The following CCNY variants were observed in gnomAD, a reference collection of about 807,000 sequenced individuals.
The protein encoded by CCNY is cyclin-Y.
CCNY carries 19 observed loss-of-function variants against 42.8 expected under a neutral mutation model. That is an observed-to-expected ratio of 0.44 (90% CI 0.31 to 0.65). The LOEUF (loss-of-function observed/expected upper bound fraction) is 0.65. CCNY is among the 30% of genes least tolerant of loss of function. The probability of loss-of-function intolerance (pLI) is 0.07; values close to 1 mark genes in which losing one functional copy is unlikely to be tolerated. For synonymous variants in CCNY, 165 were observed against 162.7 expected, an observed-to-expected ratio of 1.01 and a Z score of -0.11; for missense variants, 370 against 437.3, an observed-to-expected ratio of 0.85 and a Z score of 1.37.
At chr10:35,482,802 T>TGTGTG (rs879381242) in intron 1 of CCNY, among the ~76,000 whole-genome samples, 7 of 102,654 alleles carry the variant, frequency 6.8e-5, no homozygotes, top group Admixed American at 2.0e-4. Context: ...GTGTGTGTGT[T>TGTGTG]ATGTGTTTGA....
chr10:35,535,035 G>A (rs866497131), intron 7 of CCNY, among the ~76,000 whole-genome samples: 13 of 137,214 alleles, frequency 9.5e-5, no homozygotes, highest in Admixed American at 8.0e-4. Context: ...GTGTGTGTAT[G>A]TATATATAGA....
At chr10:35,281,601 C>T (rs2135053947) in intron 3 of CCNY, among the ~76,000 whole-genome samples, 1 of 152,198 alleles carries the variant, frequency 6.6e-6, no homozygotes, top group East Asian at 1.9e-4. Context: ...CTGCGTCTGG[C>T]CTTGTACAGG....
chr10:35,337,986 CAT>C (rs1367228347), intron 1 of CCNY, among the ~76,000 whole-genome samples: 1 of 152,188 alleles, frequency 6.6e-6, no homozygotes, highest in Non-Finnish European at 1.5e-5. Context: ...GGTTTGGCAA[CAT>C]ATTTATTAGC....
chr10:35,442,496 T>C (rs923540147), intron 1 of CCNY, among the ~76,000 whole-genome samples: 18 of 152,156 alleles, frequency 1.2e-4, no homozygotes, highest in Admixed American at 6.5e-5. Context: ...GTTGGGAGTT[T>C]AGGGTGGTCT....
chr10:35,293,039 C>A (rs1256144307), intron 3 of CCNY, among the ~76,000 whole-genome samples: 2 of 151,718 alleles, frequency 1.3e-5, no homozygotes, highest in Non-Finnish European at 2.9e-5. Flanking sequence ...CTTGGCCTCC[C>A]AAAGTGCTGA....
At position 35,568,257 on chromosome 10, in the gene CCNY, T is replaced by C. The variant is rs143382619; in HGVS notation, c.910-797T>C. On this transcript the variant is annotated intron_variant, in intron 9 of 9. Transcript: ENST00000374704. The stretch of plus-strand genomic sequence containing the variant: ...TGCCGAGAAGGGAGAGCTCACCTGC[T>C]TCTGGGGCTGCTGTGTCACGGGCCC... Among the ~76,000 whole-genome samples, 511 of 152,300 alleles carry C rather than the reference T, an allele frequency of 3.4e-3. 4 individuals carry two copies. Among genetic ancestry groups the C allele is most frequent in the African/African-American group, 0.012 (481 of 41,560 alleles).
chr10:35,455,741 T>C (rs1360818497), intron 1 of CCNY, among the ~76,000 whole-genome samples: 1 of 151,874 alleles, frequency 6.6e-6, no homozygotes, highest in African/African-American at 2.4e-5. Flanking sequence ...TATTGAACAT[T>C]ATTTATGTGG....
intron 1 of CCNY, among the ~76,000 whole-genome samples, chr10:35,402,516 TAG>T (rs1438960336): frequency 6.6e-6 from 1 of 152,208 alleles, no homozygotes; most frequent in African/African-American, 2.4e-5. Context: ...TTTAAAAATA[TAG>T]AGAGTCCTCT....
In CCNY at chr10:35,304,546, G is replaced by A. The variant is rs570073785; in HGVS notation, c.-9+53920G>A. Among the ~76,000 whole-genome samples, 4 of 53,578 alleles carry A rather than the reference G, an allele frequency of 7.5e-5. 2 individuals carry two copies. In the South Asian group the frequency reaches 2.6e-3, roughly 35 times the overall value. The allele number at this position is 53,578 out of a possible 152,430, so 35.1% of individuals were successfully genotyped here. ...GGGATGGTCTCGATCTCTTGACCTCGTGATCCGCCCGCCTCGGCCTCCCAA... is the reference window on the plus strand; with the variant it reads ...GGGATGGTCTCGATCTCTTGACCTCATGATCCGCCCGCCTCGGCCTCCCAA... On this transcript the variant is annotated intron_variant, in intron 3 of 11. Transcript: ENST00000374706.
chr10:35,364,379 G>T (rs1564383432), intron 1 of CCNY, among the ~76,000 whole-genome samples: 1 of 152,150 alleles, frequency 6.6e-6, no homozygotes, highest in Admixed American at 6.5e-5. Context: ...ATAACAGAAA[G>T]TTAACTGAAT....
intron 8 of CCNY, among the ~76,000 whole-genome samples, chr10:35,554,324 G>C (rs189891167): frequency 3.3e-5 from 5 of 152,308 alleles, no homozygotes; most frequent in Non-Finnish European, 5.9e-5. Flanking sequence ...ATTTGTTGCA[G>C]AGCCTATTCC....
intron 7 of CCNY, among the ~76,000 whole-genome samples, chr10:35,544,054 T>A (rs1841060861): frequency 6.6e-6 from 1 of 152,238 alleles, no homozygotes; most frequent in Non-Finnish European, 1.5e-5. Flanking sequence ...GTTTAAAAAA[T>A]TTTTAAAGTT....
At chr10:35,346,974 G>GT (rs1836319386) in intron 1 of CCNY, among the ~76,000 whole-genome samples, 2 of 152,142 alleles carry the variant, frequency 1.3e-5, no homozygotes, top group African/African-American at 4.8e-5. Flanking sequence ...GTTTTGTTTT[G>GT]TTTTTTAGTA....
chr10:35,434,408 C>T (rs1299885365), intron 1 of CCNY, among the ~76,000 whole-genome samples: 2 of 152,224 alleles, frequency 1.3e-5, no homozygotes, highest in East Asian at 3.8e-4. Flanking sequence ...TCCTCAGGGA[C>T]AGAGCCTGGC....
At chr10:35,388,019 G>A (rs1417864208) in intron 1 of CCNY, among the ~76,000 whole-genome samples, 5 of 152,200 alleles carry the variant, frequency 3.3e-5, no homozygotes, top group Non-Finnish European at 5.9e-5. Context: ...TGTCCAGGAG[G>A]AAGCAGCCCC....
At chr10:35,424,059 T>C (rs532644635) in intron 1 of CCNY, among the ~76,000 whole-genome samples, 35 of 152,214 alleles carry the variant, frequency 2.3e-4, no homozygotes, top group African/African-American at 8.2e-4. Context: ...CTCTGGGGAC[T>C]TGACTAAGTT....
At chr10:35,457,130 T>C (rs973778927) in intron 1 of CCNY, among the ~76,000 whole-genome samples, 1 of 152,258 alleles carries the variant, frequency 6.6e-6, no homozygotes, top group African/African-American at 2.4e-5. Context: ...CATGTTCTTT[T>C]TCATGTTTGA....
chr10:35,272,239 G>A (rs1055304352), intron 3 of CCNY, among the ~76,000 whole-genome samples: 4 of 151,326 alleles, frequency 2.6e-5, no homozygotes, highest in African/African-American at 4.8e-5. Context: ...TGCCTGCCTC[G>A]GCCTCCCAAA....
chr10:35,448,981 G>A (rs1159720542), intron 1 of CCNY, among the ~76,000 whole-genome samples: 2 of 152,130 alleles, frequency 1.3e-5, no homozygotes, highest in African/African-American at 2.4e-5. Flanking sequence ...TGGGAATAGC[G>A]AGGGTGGAGG....
Sources: gnomAD v4.1 joint callset for allele counts (sites outside exome capture counted in the v4.1 genomes callset) on GRCh38, gnomAD v4.1.1 for gene constraint, MANE v1.5 for transcripts, NCBI Gene and HGNC (gene_info 2026-07-23, HGNC 2026-07-21) for gene names.